The following MYRF variants were observed in gnomAD, a reference collection of about 807,000 sequenced individuals.
MYRF encodes the protein myelin gene regulatory factor.
Under a neutral mutation model 126.3 loss-of-function variants are expected in MYRF, and 16 were observed. The ratio of observed to expected loss-of-function variants is 0.13; its 90% confidence interval spans 0.09 to 0.19. The LOEUF is 0.19. Ranked by LOEUF, MYRF falls within the 10% of genes least tolerant of loss-of-function variation. The probability of loss-of-function intolerance (pLI) is 1.00; values close to 1 mark genes in which losing one functional copy is unlikely to be tolerated. For synonymous variants in MYRF, 608 were observed against 635.3 expected, an observed-to-expected ratio of 0.96 and a Z score of 0.65; for missense variants, 1,104 against 1,547.0, an observed-to-expected ratio of 0.71 and a Z score of 4.80.
chr11:61,771,836 G>A lies in MYRF; in HGVS notation c.999G>A (p.Leu333=), dbSNP rs2066231070. ...HPPGAPSPGL[L]QDSDSLSGSY... Reference sequence around the variant, plus strand: ...GGCGTTCCCTCCCTCCAGGCCTCCTGCAGGACAGTGACAGCCTCAGTGGCT... The same window carrying A: ...GGCGTTCCCTCCCTCCAGGCCTCCTACAGGACAGTGACAGCCTCAGTGGCT... Residue 333 remains leucine, a synonymous_variant, in exon 7 of 27, where the codon CTG becomes CTA. Transcript: ENST00000278836. 6.2e-6 allele frequency: 10 copies of A among 1,614,086 alleles called. No homozygotes were observed. The highest frequency in any genetic ancestry group is 7.6e-6 in the Non-Finnish European group (9 of 1,179,998).
chr11:61,770,943 C>G (rs1032882315), intron 5 of MYRF, among the ~76,000 whole-genome samples: 1 of 152,218 alleles, frequency 6.6e-6, no homozygotes, highest in Admixed American at 6.5e-5. Context: ...CTGACTCAAC[C>G]TGCACGATTG....
At chr11:61,775,516 G>T (rs1382345361) in intron 8 of MYRF, among the ~76,000 whole-genome samples, 2 of 152,152 alleles carry the variant, frequency 1.3e-5, no homozygotes. Flanking sequence ...GGCATGGCTG[G>T]GTCTGTCGGC....
Position 61,757,329 on chromosome 11 carries a change from CGTATCAGGGCACCGCT to C in MYRF, c.46+4542_46+4557del, listed in dbSNP as rs1565277292. The stretch of plus-strand genomic sequence containing the variant: ...GCTTACCCACAGTGCTTCTCTTGGC[CGTATCAGGGCACCGCT>C]GTGCCTCCGCTTTCTCATCTGTAAA... On this transcript the variant is annotated intron_variant, in intron 1 of 26. Transcript: ENST00000278836. The surrounding 1 kb of genome is among the most constrained non-coding windows in gnomAD (Gnocchi z 4.7). 2.2e-6 allele frequency: 1 copy of C among 456,404 alleles called. No homozygotes were observed. 28.3% of individuals were successfully genotyped at this position (456,404 alleles called of 1,614,324 possible).
intron 1 of MYRF, among the ~76,000 whole-genome samples, chr11:61,764,728 C>T (rs12791843): frequency 0.37 from 56,991 of 152,102 alleles, 11,439 homozygotes; most frequent in East Asian, 0.71. Context: ...GAAAGGCCGG[C>T]ACCTCCCCCG....
Position 61,765,636 on chromosome 11 carries a change from A to G in MYRF, c.58A>G (p.Asn20Asp). ...LQRFFEGHDI[N>D]GALEPSNIDT... is the part of the protein sequence containing the mutation. ...CTCCTGCCCTGCAGGCCACGACATC[A>G]ACGGTGCCCTGGAGCCCTCCAACAT... Residue 20 changes from asparagine to aspartate, a missense_variant, in exon 2 of 27, where the codon AAC (asparagine) becomes GAC (aspartate). By Grantham distance (23) the Asn-to-Asp change is conservative. Coordinates refer to ENST00000278836, the MANE Select transcript of MYRF (RefSeq NM_001127392.3). The G allele has an allele frequency of 6.2e-7, 1 of 1,612,608 alleles. No individual in the cohort carries two copies. The highest frequency in any genetic ancestry group is 8.5e-7 in the Non-Finnish European group (1 of 1,179,662).
chr11:61,766,983 C>T (rs923923004), intron 3 of MYRF: 13 of 455,486 alleles, frequency 2.9e-5, no homozygotes, highest in African/African-American at 1.6e-4. Flanking sequence ...ATTTATCAGC[C>T]GTCTGCCTCG....
chr11:61,776,989 G>A lies in MYRF; in HGVS notation c.1590+112G>A, dbSNP rs1010232242. On this transcript the variant is annotated intron_variant, in intron 11 of 26. Transcript: ENST00000278836. This position sits in a 1 kb window ranked among gnomAD's most constrained non-coding sequence, Gnocchi z 4.3. Reference sequence around the variant, plus strand: ...AGGAGTGGGCATGCTCATCCTGCTAGGCACTGGCTGTGTGGCCTTGGGCAA... The same window carrying A: ...AGGAGTGGGCATGCTCATCCTGCTAAGCACTGGCTGTGTGGCCTTGGGCAA... The A allele has an allele frequency of 6.8e-5, 67 of 981,486 alleles. No homozygotes were observed. Among genetic ancestry groups the A allele is most frequent in the Non-Finnish European group, 9.4e-5 (63 of 670,896 alleles). 60.8% of individuals were successfully genotyped at this position (981,486 alleles called of 1,614,324 possible). A position where few individuals can be genotyped will look rare whatever the true frequency, so the allele number is the denominator to read the frequency against.
At chr11:61,770,654 C>A in intron 5 of MYRF, 129 bp downstream of exon 5, 1 of 840,700 alleles carries the variant, frequency 1.2e-6, no homozygotes, top group Non-Finnish European at 1.8e-6. Flanking sequence ...GAAGGCTCTG[C>A]AGGGCAGATG....
rs1293907395 is a variant in MYRF at position 61,757,292 on chromosome 11, C to G, written c.46+4502C>G. On this transcript the variant is annotated intron_variant, in intron 1 of 26. Transcript: ENST00000278836. The surrounding 1 kb of genome is among the most constrained non-coding windows in gnomAD (Gnocchi z 4.7). ...CCAGCGAGGGCAGCTGGGGTCTGTT[C>G]CTAGCTCTCCTGCTTACCCACAGTG... is the stretch of plus-strand genomic sequence containing the variant. 1 of 456,570 alleles carries G rather than the reference C, an allele frequency of 2.2e-6. No homozygotes were observed. The highest frequency in any genetic ancestry group is 4.4e-6 in the Non-Finnish European group (1 of 226,930). The allele number at this position is 456,570 out of a possible 1,614,324, so 28.3% of individuals were successfully genotyped here.
At chr11:61,753,593 C>A (rs935610383) in intron 1 of MYRF, among the ~76,000 whole-genome samples, 2 of 151,546 alleles carry the variant, frequency 1.3e-5, no homozygotes, top group African/African-American at 4.9e-5. Flanking sequence ...AGCACTATGT[C>A]CCCCCAACCC....
Position 61,777,216 on chromosome 11 carries a change from G to C in MYRF, c.1591-48G>C, listed in dbSNP as rs2066408161. The C allele has an allele frequency of 6.3e-7, 1 of 1,579,414 alleles. No individual in the cohort carries two copies. Among genetic ancestry groups the C allele is most frequent in the Non-Finnish European group, 8.6e-7 (1 of 1,160,160 alleles). On this transcript the variant is annotated intron_variant, in intron 11 of 26. Coordinates refer to ENST00000278836, the MANE Select transcript of MYRF (RefSeq NM_001127392.3). This position sits in a 1 kb window ranked among gnomAD's most constrained non-coding sequence, Gnocchi z 8.8. ...TTCCCCCTGCTCCCAGGGCCCTGCA[G>C]GTCCCCTCCCTATCCCCCAGGACTG...
Position 61,781,652 on chromosome 11 carries a change from C to A in MYRF, c.2844C>A (p.His948Gln). 6.2e-7 allele frequency: 1 copy of A among 1,613,858 alleles called. No individual in the cohort carries two copies. The highest frequency in any genetic ancestry group is 8.5e-7 in the Non-Finnish European group (1 of 1,180,026). Residue 948 changes from histidine to glutamine, a missense_variant, in exon 22 of 27, where the codon CAC (histidine) becomes CAA (glutamine). Coordinates refer to ENST00000278836, the MANE Select transcript of MYRF (RefSeq NM_001127392.3). ...SWGLSVNGIG[H>Q]SKHHKSLEPL... Reference sequence around the variant, plus strand: ...GTCTTTCAGTCAATGGCATTGGCCACTCCAAGCATCACAAGAGTCTGGAGC... The same window carrying A: ...GTCTTTCAGTCAATGGCATTGGCCAATCCAAGCATCACAAGAGTCTGGAGC...
chr11:61,776,441 G>C lies in MYRF; in HGVS notation c.1499+9G>C. 1 of 1,608,978 alleles carries C rather than the reference G, an allele frequency of 6.2e-7. No homozygotes were observed. Among genetic ancestry groups the C allele is most frequent in the Admixed American group, 1.7e-5 (1 of 59,790 alleles). ...CCCAACCCGGACCAGAGGTGAGCAG[G>C]TGGGGGCCCTGCCCCGGAGCCCCTC... On this transcript the variant is annotated intron_variant, in intron 10 of 26. Transcript: ENST00000278836. This position sits in a 1 kb window ranked among gnomAD's most constrained non-coding sequence, Gnocchi z 4.3.
rs1435797073 is a variant in MYRF at position 61,777,958 on chromosome 11, C to G, written c.1903+113C>G. 1 of 837,302 alleles carries G rather than the reference C, an allele frequency of 1.2e-6. No homozygotes were observed. Among genetic ancestry groups the G allele is most frequent in the Non-Finnish European group, 1.9e-6 (1 of 523,548 alleles). The allele number at this position is 837,302 out of a possible 1,614,324, so 51.9% of individuals were successfully genotyped here. A position where few individuals can be genotyped will look rare whatever the true frequency, so the allele number is the denominator to read the frequency against. The stretch of plus-strand genomic sequence containing the variant: ...ACTCCTCTTGACTCCCGGAACTGCG[C>G]CCCTGGGAATCATGCCTTCTAGAAG... On this transcript the variant is annotated intron_variant, in intron 13 of 26. Transcript: ENST00000278836. The surrounding 1 kb of genome is among the most constrained non-coding windows in gnomAD (Gnocchi z 8.8).
At position 61,780,217 on chromosome 11, in the gene MYRF, T is replaced by C; in HGVS notation, c.2337-5T>C. The C allele has an allele frequency of 6.2e-7, 1 of 1,613,888 alleles. No individual in the cohort carries two copies. Among genetic ancestry groups the C allele is most frequent in the Non-Finnish European group, 8.5e-7 (1 of 1,179,920 alleles). Reference sequence around the variant, plus strand: ...TCTAACGGTCACCCTTTTCTGTGGCTCCAGCGTGGTGTCCATGTCCACACT... The same window carrying C: ...TCTAACGGTCACCCTTTTCTGTGGCCCCAGCGTGGTGTCCATGTCCACACT... On this transcript the variant is annotated splice_polypyrimidine_tract_variant and splice_region_variant and intron_variant, in intron 17 of 26. Transcript: ENST00000278836.
At chr11:61,762,956 C>T (rs1447712649) in intron 1 of MYRF, among the ~76,000 whole-genome samples, 1 of 152,168 alleles carries the variant, frequency 6.6e-6, no homozygotes, top group Non-Finnish European at 1.5e-5. Context: ...TCCCAGGATG[C>T]CTCTGCCTGA....
At position 61,776,767 on chromosome 11, in the gene MYRF, G is replaced by A; in HGVS notation, c.1500-20G>A. The A allele has an allele frequency of 6.4e-7, 1 of 1,573,974 alleles. No homozygotes were observed. Among genetic ancestry groups the A allele is most frequent in the Non-Finnish European group, 8.6e-7 (1 of 1,158,810 alleles). On this transcript the variant is annotated intron_variant, in intron 10 of 26. Coordinates refer to ENST00000278836, the MANE Select transcript of MYRF (RefSeq NM_001127392.3). This position sits in a 1 kb window ranked among gnomAD's most constrained non-coding sequence, Gnocchi z 4.3. ...GCGGGGGCAGGCCATGAGTACTTCT[G>A]AGACCCCTGTGTGTCCCAGGTACTT...
At chr11:61,765,478 C>T (rs1025099091) in intron 1 of MYRF, 147 bp from the exon 2 acceptor site, 7 of 618,904 alleles carry the variant, frequency 1.1e-5, no homozygotes, top group East Asian at 8.6e-5. Context: ...GGGTGAGAGC[C>T]GGCCCCCACA....
intron 1 of MYRF, among the ~76,000 whole-genome samples, chr11:61,754,848 A>T (rs2065702223): frequency 6.6e-6 from 1 of 152,140 alleles, no homozygotes; most frequent in Non-Finnish European, 1.5e-5. Flanking sequence ...GTGGCCCCTG[A>T]GGCCTAGGGT....
Sources: allele counts gnomAD v4.1 joint callset (sites outside exome capture counted in the v4.1 genomes callset), GRCh38; gene constraint gnomAD v4.1.1; non-coding constraint Gnocchi (gnomAD v3.1); transcripts MANE v1.5; gene names NCBI Gene and HGNC (gene_info 2026-07-23, HGNC 2026-07-21).